The following KCNIP4 variants were observed in gnomAD, a reference collection of about 807,000 sequenced individuals.
KCNIP4 encodes potassium voltage-gated channel interacting protein 4, also known as Kv channel-interacting protein 4.
In KCNIP4, 12 loss-of-function variants were observed where a neutral mutation model predicts 34.0. The observed-to-expected ratio is 0.35, with a 90% CI of 0.23 to 0.57. The LOEUF (loss-of-function observed/expected upper bound fraction) is 0.57, where lower values mean the gene tolerates loss of function less well. KCNIP4 is among the 20% of genes least tolerant of loss of function. KCNIP4 has a pLI of 0.83. For synonymous variants in KCNIP4, 124 were observed against 102.2 expected (o/e 1.21, Z -1.29); for missense variants, 238 against 311.7 (o/e 0.76, Z 1.78).
chr4:20,886,642 C>G (rs995884454), intron 1 of KCNIP4, among the ~76,000 whole-genome samples: 5 of 152,132 alleles, frequency 3.3e-5, no homozygotes, highest in Admixed American at 1.3e-4. Context: ...CACTGAGCAC[C>G]TCTGGCGTTG....
intron 1 of KCNIP4, chr4:21,697,477 CTT>C (rs761778828): frequency 1.3e-6 from 2 of 1,528,802 alleles, no homozygotes; most frequent in South Asian, 2.7e-5. Context: ...AGCCAGAAGT[CTT>C]TGCCAATAAT....
chr4:21,757,243 G>GAAAAGAAAAGAAAAGAAAAGA (rs1287314404), intron 1 of KCNIP4, among the ~76,000 whole-genome samples: 1 of 26,494 alleles, frequency 3.8e-5, no homozygotes, highest in African/African-American at 2.3e-4. Flanking sequence ...AAGAAAGAAA[G>GAAAAGAAAAGAAAAGAAAAGA]AAAGAAAAGA....
At chr4:21,335,267 C>T (rs1272061393) in intron 1 of KCNIP4, among the ~76,000 whole-genome samples, 11 of 145,066 alleles carry the variant, frequency 7.6e-5, no homozygotes, top group Admixed American at 6.4e-4. Flanking sequence ...TGTGAACCAA[C>T]GGCTGCAACT....
At chr4:21,833,847 G>A (rs1260746456) in intron 1 of KCNIP4, among the ~76,000 whole-genome samples, 3 of 152,224 alleles carry the variant, frequency 2.0e-5, no homozygotes, top group African/African-American at 4.8e-5. Context: ...ATTAAATAGG[G>A]AATCCTTTCC....
intron 1 of KCNIP4, among the ~76,000 whole-genome samples, chr4:21,117,300 C>CAGG: frequency 3.1e-5 from 1 of 32,636 alleles, no homozygotes; most frequent in East Asian, 3.3e-3. Flanking sequence ...CCGGGGTTGC[C>CAGG]GGGGGGGGGG....
At chr4:20,955,161 G>A in intron 1 of KCNIP4, among the ~76,000 whole-genome samples, 1 of 152,288 alleles carries the variant, frequency 6.6e-6, no homozygotes, top group East Asian at 1.9e-4. Context: ...GTTGTTACTA[G>A]AAGCCTCACC....
intron 1 of KCNIP4, among the ~76,000 whole-genome samples, chr4:21,922,430 G>A (rs920699050): frequency 2.0e-5 from 3 of 152,096 alleles, no homozygotes; most frequent in East Asian, 3.9e-4. Flanking sequence ...GGGTTCTTAC[G>A]CATTAGGGAA....
chr4:21,636,590 A>T lies in KCNIP4; in HGVS notation c.61+311981T>A, dbSNP rs1028809590. 2.6e-5 allele frequency among the ~76,000 whole-genome samples: 4 copies of T among 152,124 alleles called. No homozygotes were observed. The East Asian group carries it at 7.8e-4, about 30-fold the overall frequency. ...GCAGACAATGAAGTGTAATACTGAC[A>T]TTCTCTCTGAAACTCTCCAAGATCT... On this transcript the variant is annotated intron_variant, in intron 1 of 8. Transcript: ENST00000382152.
At chr4:21,359,392 C>A (rs1042449695) in intron 1 of KCNIP4, among the ~76,000 whole-genome samples, 2 of 151,976 alleles carry the variant, frequency 1.3e-5, no homozygotes, top group African/African-American at 2.4e-5. Context: ...GCCAGTTTCT[C>A]ATTTTATGTA....
intron 1 of KCNIP4, chr4:21,849,948 AT>A (rs1310635848): frequency 3.9e-5 from 6 of 152,124 alleles, no homozygotes; most frequent in Admixed American, 3.3e-4. Flanking sequence ...GGCAAAGCTT[AT>A]TTGCTAAAAA....
intron 1 of KCNIP4, among the ~76,000 whole-genome samples, chr4:21,261,396 T>C (rs1401964579): frequency 6.6e-6 from 1 of 152,200 alleles, no homozygotes; most frequent in Non-Finnish European, 1.5e-5. Flanking sequence ...ATGGTTTCAT[T>C]ACTACAAGTT....
At chr4:21,512,935 C>T (rs1283713972) in intron 1 of KCNIP4, among the ~76,000 whole-genome samples, 1 of 152,128 alleles carries the variant, frequency 6.6e-6, no homozygotes, top group African/African-American at 2.4e-5. Flanking sequence ...ATAAAAATAG[C>T]AGCAATCCCA....
intron 2 of KCNIP4, among the ~76,000 whole-genome samples, chr4:20,873,802 A>G (rs767444979): frequency 3.3e-5 from 5 of 152,180 alleles, no homozygotes; most frequent in South Asian, 2.1e-4. Flanking sequence ...AGTGCCCAGG[A>G]AAGTTTTCAA....
intron 1 of KCNIP4, among the ~76,000 whole-genome samples, chr4:21,466,335 C>T (rs1729935092): frequency 6.6e-6 from 1 of 152,190 alleles, no homozygotes; most frequent in Non-Finnish European, 1.5e-5. Context: ...TGACTCAACA[C>T]TCAATGCTGA....
At chr4:21,124,831 T>C (rs1292528144) in intron 1 of KCNIP4, among the ~76,000 whole-genome samples, 1 of 152,048 alleles carries the variant, frequency 6.6e-6, no homozygotes, top group Non-Finnish European at 1.5e-5. Flanking sequence ...ATTTTTCCTC[T>C]CCCTCAAGAG....
intron 1 of KCNIP4, among the ~76,000 whole-genome samples, chr4:21,596,278 G>A (rs1201886507): frequency 6.6e-6 from 1 of 151,994 alleles, no homozygotes; most frequent in Non-Finnish European, 1.5e-5. Context: ...ATTCTAATGG[G>A]CAAATATTTC....
intron 1 of KCNIP4, among the ~76,000 whole-genome samples, chr4:21,463,987 A>G (rs1729698188): frequency 6.6e-6 from 1 of 151,944 alleles, no homozygotes; most frequent in Admixed American, 6.6e-5. Flanking sequence ...AAGCTACCTA[A>G]TTTGTTGGCA....
intron 1 of KCNIP4, among the ~76,000 whole-genome samples, chr4:21,691,253 A>G (rs921060395): frequency 2.8e-4 from 42 of 152,130 alleles, no homozygotes; most frequent in Non-Finnish European, 5.7e-4. Flanking sequence ...GTAGGAGGAA[A>G]ATGAGACCAG....
chr4:21,544,720 C>T (rs1268454681), intron 1 of KCNIP4: 1 of 152,292 alleles, frequency 6.6e-6, no homozygotes, highest in Middle Eastern at 3.4e-3. Flanking sequence ...CCACCCTTTT[C>T]CTGGAAAACT....
Sources: allele counts gnomAD v4.1 joint callset (sites outside exome capture counted in the v4.1 genomes callset), GRCh38; gene constraint gnomAD v4.1.1; transcripts MANE v1.5; gene names NCBI Gene and HGNC (gene_info 2026-07-23, HGNC 2026-07-21).